Variants in UBE4B observed in about 807,000 individuals in gnomAD.
UBE4B encodes the protein ubiquitin conjugation factor E4 B.
A neutral mutation model predicts 148.1 loss-of-function variants in UBE4B; 27 were observed. That is an observed-to-expected ratio of 0.18 (90% CI 0.13 to 0.25). The LOEUF is 0.25. Ranked by LOEUF, UBE4B falls within the 10% of genes least tolerant of loss-of-function variation. The probability of loss-of-function intolerance (pLI) is 1.00; values close to 1 mark genes in which losing one functional copy is unlikely to be tolerated. For missense variants in UBE4B, 1,170 were observed against 1,662.4 expected (o/e 0.70, Z 5.15); for synonymous variants, 596 against 619.3 (o/e 0.96, Z 0.56).
chr1:10,138,313 A>G (rs1007659914), intron 17 of UBE4B, among the ~76,000 whole-genome samples: 4 of 151,760 alleles, frequency 2.6e-5, no homozygotes, highest in Admixed American at 1.3e-4. Context: ...TAGCCAGGAT[A>G]GTCTTGATCT....
At chr1:10,121,869 C>A in intron 9 of UBE4B, 93 bp from the exon 10 acceptor site, 1 of 752,588 alleles carries the variant, frequency 1.3e-6, no homozygotes, top group Non-Finnish European at 2.2e-6. Context: ...TCAAGTTTGA[C>A]TTTTGACTGG....
At chr1:10,126,148 A>C (rs1173107512) in intron 10 of UBE4B, among the ~76,000 whole-genome samples, 1 of 152,218 alleles carries the variant, frequency 6.6e-6, no homozygotes. Context: ...AAAATACAAA[A>C]ATTAGCCAGG....
At chr1:10,141,451 C>T (rs112852360) in intron 17 of UBE4B, among the ~76,000 whole-genome samples, 149 of 152,180 alleles carry the variant, frequency 9.8e-4, no homozygotes, top group Non-Finnish European at 1.8e-3. Flanking sequence ...CTTGTTCTCC[C>T]CTAGAGCCTC....
chr1:10,123,686 C>T (rs1021793528), intron 10 of UBE4B, among the ~76,000 whole-genome samples: 3 of 152,106 alleles, frequency 2.0e-5, no homozygotes, highest in Admixed American at 6.6e-5. Context: ...TTTGTTTCCC[C>T]ATCACCAGCT....
chr1:10,178,108 G>A (rs903869288), intron 25 of UBE4B, among the ~76,000 whole-genome samples: 1 of 152,150 alleles, frequency 6.6e-6, no homozygotes, highest in Non-Finnish European at 1.5e-5. Context: ...ACATGTGCTA[G>A]TGCTGAACTA....
intron 2 of UBE4B, among the ~76,000 whole-genome samples, chr1:10,077,971 A>G (rs1267321755): frequency 2.0e-5 from 3 of 150,634 alleles, no homozygotes; most frequent in African/African-American, 4.9e-5. Context: ...TGCTTTTCCT[A>G]CAGATGAATG....
intron 25 of UBE4B, among the ~76,000 whole-genome samples, chr1:10,175,901 A>C (rs1048631515): frequency 6.6e-6 from 1 of 152,210 alleles, no homozygotes; most frequent in Non-Finnish European, 1.5e-5. Context: ...CATGTAGTAC[A>C]GTCACAGCGT....
At chr1:10,114,927 G>T (rs1002463025) in intron 7 of UBE4B, among the ~76,000 whole-genome samples, 1 of 152,080 alleles carries the variant, frequency 6.6e-6, no homozygotes, top group Non-Finnish European at 1.5e-5. Context: ...GACCTGCCCA[G>T]CCTTGTCATG....
rs760819326 is a variant in UBE4B, at chr1:10,117,575, G to C, written c.1313G>C (p.Gly438Ala). The C allele has an allele frequency of 5.5e-5, 87 of 1,581,892 alleles. No individual in the cohort carries two copies. The highest frequency in any genetic ancestry group is 7.1e-5 in the Non-Finnish European group (83 of 1,170,684). The change falls in exon 8 of 28, where the codon GGA (glycine) becomes GCA (alanine). Residue 438 changes from glycine to alanine, a missense_variant. Gly to Ala is a moderately conservative substitution (Grantham distance 60). Coordinates refer to ENST00000343090, the MANE Select transcript of UBE4B (RefSeq NM_001105562.3). Reference protein sequence around the residue: ...NYLIECFDRVGIEEKKAPKMC... With the variant: ...NYLIECFDRVAIEEKKAPKMC... Reference sequence around the variant, plus strand: ...CTCATCGAGTGTTTCGACCGAGTTGGAATAGAGGAAAAAAAAGCACCAAAG... The same window carrying C: ...CTCATCGAGTGTTTCGACCGAGTTGCAATAGAGGAAAAAAAAGCACCAAAG...
chr1:10,121,833 C>G, intron 9 of UBE4B, 129 bp from the exon 10 acceptor site: 2 of 548,266 alleles, frequency 3.6e-6, no homozygotes, highest in Non-Finnish European at 3.3e-6. Flanking sequence ...TCGCCTGAAA[C>G]TATTTTGCAG....
chr1:10,102,565 C>T (rs974920197), intron 4 of UBE4B, among the ~76,000 whole-genome samples: 5 of 151,796 alleles, frequency 3.3e-5, no homozygotes, highest in Admixed American at 6.6e-5. Flanking sequence ...GGCCCGCAAC[C>T]GCGCCTGGCT....
At chr1:10,040,386 G>A (rs903266303) in intron 1 of UBE4B, among the ~76,000 whole-genome samples, 2 of 152,038 alleles carry the variant, frequency 1.3e-5, no homozygotes, top group African/African-American at 2.4e-5. Flanking sequence ...TGGGATTACA[G>A]GTGTCAGCTA....
At chr1:10,090,276 C>T (rs867460931) in intron 2 of UBE4B, among the ~76,000 whole-genome samples, 1 of 152,134 alleles carries the variant, frequency 6.6e-6, no homozygotes, top group East Asian at 1.9e-4. Flanking sequence ...CATACCATCA[C>T]GCTTGGCTCA....
chr1:10,106,731 C>T lies in UBE4B; in HGVS notation c.1196+148C>T, dbSNP rs908897646. 6.3e-6 allele frequency: 7 copies of T among 1,119,244 alleles called. No individual in the cohort carries two copies. The highest frequency in any genetic ancestry group is 3.8e-5 in the South Asian group (2 of 52,712). 69.3% of individuals were successfully genotyped at this position (1,119,244 alleles called of 1,614,324 possible). On this transcript the variant is annotated intron_variant, in intron 7 of 27. Coordinates refer to ENST00000343090, the MANE Select transcript of UBE4B (RefSeq NM_001105562.3). This position sits in a 1 kb window ranked among gnomAD's most constrained non-coding sequence, Gnocchi z 4.2. ...GTGTGGCTAACTAGTTTGGTAGGCACGTACTCTGAGTCCATGCTTCTGCCA... is the reference window on the plus strand; with the variant it reads ...GTGTGGCTAACTAGTTTGGTAGGCATGTACTCTGAGTCCATGCTTCTGCCA...
At chr1:10,061,696 C>A (rs373141947) in intron 1 of UBE4B, among the ~76,000 whole-genome samples, 36 of 152,122 alleles carry the variant, frequency 2.4e-4, no homozygotes, top group African/African-American at 8.4e-4. Context: ...ATTTGGACCC[C>A]TGCCCCAGGT....
chr1:10,137,921 C>CTTTT lies in UBE4B; in HGVS notation c.2363+744_2363+747dup, dbSNP rs70998351. Among the ~76,000 whole-genome samples, 115 of 67,042 alleles carry CTTTT rather than the reference C, an allele frequency of 1.7e-3. 6 individuals are homozygous for CTTTT. Among genetic ancestry groups the CTTTT allele is most frequent in the African/African-American group, 2.1e-3 (31 of 14,550 alleles). 44.0% of individuals were successfully genotyped at this position (67,042 alleles called of 152,430 possible). A position where few individuals can be genotyped will look rare whatever the true frequency, so the allele number is the denominator to read the frequency against. ...ACCTTGCTTAAATCACTTACTAATT[C>CTTTT]TTTTTTTTTTTTTTTTTTTTTTTTT... On this transcript the variant is annotated intron_variant, in intron 17 of 27. Coordinates refer to ENST00000343090, the MANE Select transcript of UBE4B (RefSeq NM_001105562.3).
intron 1 of UBE4B, among the ~76,000 whole-genome samples, chr1:10,048,935 C>T (rs1401872520): frequency 6.6e-6 from 1 of 152,206 alleles, no homozygotes; most frequent in African/African-American, 2.4e-5. Context: ...ATAATCACTA[C>T]TTTCTTTATT....
intron 1 of UBE4B, among the ~76,000 whole-genome samples, chr1:10,040,597 A>T (rs1643719251): frequency 6.7e-6 from 1 of 149,790 alleles, no homozygotes; most frequent in East Asian, 2.0e-4. Context: ...GTGCTCTAAC[A>T]TCTCCATTTC....
intron 26 of UBE4B, 67 bp downstream of exon 26, chr1:10,178,885 A>G: frequency 6.7e-7 from 1 of 1,493,540 alleles, no homozygotes; most frequent in South Asian, 1.4e-5. Flanking sequence ...ACATTACAAG[A>G]GGACGTCCTG....
Sources: allele counts gnomAD v4.1 joint callset (sites outside exome capture counted in the v4.1 genomes callset), GRCh38; gene constraint gnomAD v4.1.1; non-coding constraint Gnocchi (gnomAD v3.1); transcripts MANE v1.5; gene names NCBI Gene and HGNC (gene_info 2026-07-23, HGNC 2026-07-21).